PBX1: variants seen among roughly 807,000 people sequenced by gnomAD.
PBX1 encodes the protein pre-B-cell leukemia transcription factor 1.
A neutral mutation model predicts 53.4 loss-of-function variants in PBX1; 6 were observed. The ratio of observed to expected loss-of-function variants is 0.11; its 90% CI spans 0.06 to 0.22. PBX1 has a LOEUF of 0.22. Among genes scored for constraint, PBX1 ranks in the 10% least tolerant of loss-of-function variants. The pLI is 1.00. For synonymous variants in PBX1, 204 were observed against 212.3 expected, an observed-to-expected ratio of 0.96 and a Z score of 0.34; for missense variants, 251 against 551.4, an observed-to-expected ratio of 0.46 and a Z score of 5.46.
intron 2 of PBX1, among the ~76,000 whole-genome samples, chr1:164,716,481 GGCAGTGCGGCCTT>G (rs1272243652): frequency 6.6e-6 from 1 of 152,114 alleles, no homozygotes; most frequent in Non-Finnish European, 1.5e-5. Flanking sequence ...GATGGCAGAT[GGCAGTGCGGCCTT>G]GAGAGGGGCT....
chr1:164,593,098 C>A (rs2101776810), intron 2 of PBX1, among the ~76,000 whole-genome samples: 1 of 152,176 alleles, frequency 6.6e-6, no homozygotes, highest in East Asian at 1.9e-4. Flanking sequence ...ACTGGCATTA[C>A]AGGTGTGTGC....
intron 2 of PBX1, among the ~76,000 whole-genome samples, chr1:164,711,765 G>A (rs572798080): frequency 6.6e-4 from 101 of 152,288 alleles, no homozygotes; most frequent in African/African-American, 2.4e-3. Flanking sequence ...GTGTACATGT[G>A]GAAGGCTGAA....
chr1:164,765,285 C>T (rs1159747267), intron 2 of PBX1, among the ~76,000 whole-genome samples: 5 of 152,196 alleles, frequency 3.3e-5, no homozygotes, highest in Non-Finnish European at 5.9e-5. Context: ...GGTATATGTG[C>T]GATAACATGT....
intron 2 of PBX1, among the ~76,000 whole-genome samples, chr1:164,784,974 G>T (rs2102283329): frequency 6.6e-6 from 1 of 152,280 alleles, no homozygotes; most frequent in African/African-American, 2.4e-5. Flanking sequence ...CCTGGACCTA[G>T]ATTAAGTCCC....
At chr1:164,768,735 GT>G (rs1667205855) in intron 2 of PBX1, among the ~76,000 whole-genome samples, 1 of 152,202 alleles carries the variant, frequency 6.6e-6, no homozygotes, top group Non-Finnish European at 1.5e-5. Flanking sequence ...GACCTGGAAT[GT>G]TGTCAACCTA....
intron 2 of PBX1, among the ~76,000 whole-genome samples, chr1:164,649,124 T>G (rs2101917233): frequency 1.3e-5 from 2 of 152,210 alleles, no homozygotes; most frequent in South Asian, 4.2e-4. Context: ...GGCCTACAGA[T>G]CTAGTTAGGT....
intron 2 of PBX1, among the ~76,000 whole-genome samples, chr1:164,883,213 T>G (rs1672703234): frequency 6.6e-6 from 1 of 152,240 alleles, no homozygotes; most frequent in African/African-American, 2.4e-5. Context: ...AGGTACAGAG[T>G]ACTAATTCCA....
intron 2 of PBX1, among the ~76,000 whole-genome samples, chr1:164,619,704 G>T (rs2101848636): frequency 6.6e-6 from 1 of 151,808 alleles, no homozygotes; most frequent in East Asian, 1.9e-4. Context: ...TTTTCCCCAT[G>T]GAATTTCAGG....
chr1:164,784,551 A>G (rs1347818466), intron 2 of PBX1, among the ~76,000 whole-genome samples: 1 of 152,246 alleles, frequency 6.6e-6, no homozygotes, highest in Admixed American at 6.5e-5. Flanking sequence ...ACAACCACAA[A>G]ACATAAACAA....
At chr1:164,670,397 A>G (rs887260610) in intron 2 of PBX1, among the ~76,000 whole-genome samples, 2 of 152,142 alleles carry the variant, frequency 1.3e-5, no homozygotes, top group Non-Finnish European at 2.9e-5. Flanking sequence ...GCCTTAACTC[A>G]GTTTTCCCCT....
In PBX1 at chr1:164,870,352, T is replaced by C. The variant is rs140339248; in HGVS notation, n.258-28836T>C. On this transcript the variant is annotated intron_variant and non_coding_transcript_variant, in intron 2 of 2. Coordinates refer to the PBX1 transcript ENST00000558796. ...TTCTTTCTTTCTTTCTTTCTTTCTT[T>C]CTTTCTTTCGAGATGAAGTCTTGCT... 3.3e-3 allele frequency among the ~76,000 whole-genome samples: 324 copies of C among 97,256 alleles called. 8 individuals carry two copies. The highest frequency in any genetic ancestry group is 0.012 in the African/African-American group (296 of 24,316). 63.8% of individuals were successfully genotyped at this position (97,256 alleles called of 152,430 possible). A position where few individuals can be genotyped will look rare whatever the true frequency, so the allele number is the denominator to read the frequency against.
intron 2 of PBX1, among the ~76,000 whole-genome samples, chr1:164,577,251 C>T (rs1464122189): frequency 6.6e-6 from 1 of 152,204 alleles, no homozygotes; most frequent in Non-Finnish European, 1.5e-5. Flanking sequence ...GTACTTTAAA[C>T]AGCACTGACA....
intron 2 of PBX1, among the ~76,000 whole-genome samples, chr1:164,590,858 T>A (rs528143406): frequency 6.6e-6 from 1 of 152,226 alleles, no homozygotes; most frequent in African/African-American, 2.4e-5. Flanking sequence ...TTTGTTTGTT[T>A]GTTTGAGACA....
At chr1:164,582,187 G>A (rs1244526059) in intron 2 of PBX1, among the ~76,000 whole-genome samples, 1 of 152,166 alleles carries the variant, frequency 6.6e-6, no homozygotes, top group Non-Finnish European at 1.5e-5. Flanking sequence ...CCTTTTGCTA[G>A]TAAGGAAGTA....
chr1:164,572,857 G>A (rs1252636026), intron 2 of PBX1, among the ~76,000 whole-genome samples: 1 of 152,134 alleles, frequency 6.6e-6, no homozygotes, highest in African/African-American at 2.4e-5. Context: ...TGTCGGTTCA[G>A]GTTGAGTTTT....
intron 2 of PBX1, among the ~76,000 whole-genome samples, chr1:164,764,397 G>A (rs1666955187): frequency 6.6e-6 from 1 of 152,104 alleles, no homozygotes; most frequent in Non-Finnish European, 1.5e-5. Flanking sequence ...TATCACTTTA[G>A]CCTCTTAATA....
At chr1:164,597,408 A>G (rs2101789572) in intron 2 of PBX1, among the ~76,000 whole-genome samples, 1 of 152,314 alleles carries the variant, frequency 6.6e-6, no homozygotes, top group Middle Eastern at 3.4e-3. Flanking sequence ...AAAATATAAC[A>G]TAGTTCTATG....
At chr1:164,633,005 T>TA (rs949676478) in intron 2 of PBX1, among the ~76,000 whole-genome samples, 1 of 152,176 alleles carries the variant, frequency 6.6e-6, no homozygotes, top group African/African-American at 2.4e-5. Context: ...TCAGTTTGCT[T>TA]AAGGTCATAC....
rs141293859 is a variant in PBX1 at position 164,560,441 on chromosome 1, C to T, written c.191+428C>T. ...TCTGTAACATTACGAAATAAAATGTCCCAAGAACACTTTATTTGCAAATTT... is the reference window on the plus strand; with the variant it reads ...TCTGTAACATTACGAAATAAAATGTTCCAAGAACACTTTATTTGCAAATTT... On this transcript the variant is annotated intron_variant, in intron 1 of 8. Transcript: ENST00000420696. The T allele has an allele frequency of 1.7e-3, 619 of 369,172 alleles. 6 individuals are homozygous for T. The highest frequency in any genetic ancestry group is 0.012 in the African/African-American group (565 of 48,040). 22.9% of individuals were successfully genotyped at this position (369,172 alleles called of 1,614,324 possible).
Sources: allele counts gnomAD v4.1 joint callset (sites outside exome capture counted in the v4.1 genomes callset), GRCh38; gene constraint gnomAD v4.1.1; transcripts MANE v1.5; gene names NCBI Gene and HGNC (gene_info 2026-07-23, HGNC 2026-07-21).